The following GALNT10 variants were observed in gnomAD, a reference collection of about 807,000 sequenced individuals.
GALNT10 encodes polypeptide N-acetylgalactosaminyltransferase 10.
GALNT10 carries 41 observed loss-of-function variants against 75.0 expected under a neutral mutation model. The observed-to-expected ratio is 0.55, with a 90% CI of 0.43 to 0.71. The LOEUF (loss-of-function observed/expected upper bound fraction) is 0.71, where lower values mean the gene tolerates loss of function less well. Among genes scored for constraint, GALNT10 ranks in the 30% least tolerant of loss-of-function variants. The pLI is 0.00. For synonymous variants in GALNT10, 302 were observed against 313.0 expected, an observed-to-expected ratio of 0.96 and a Z score of 0.37; for missense variants, 727 against 818.5, an observed-to-expected ratio of 0.89 and a Z score of 1.36.
In GALNT10 at chr5:154,417,767, G is replaced by A. The variant is rs1172747317; in HGVS notation, c.*795G>A. On this transcript the variant is annotated 3_prime_UTR_variant, in exon 12 of 12. Coordinates refer to ENST00000297107, the MANE Select transcript of GALNT10 (RefSeq NM_198321.4). ...AGCTTTACAGGGCAGTGTTTCAGAT[G>A]GCCCTGAGCCCACGGAAAAGGCCAG... The A allele has an allele frequency of 1.3e-5, 2 of 152,266 alleles. No homozygotes were observed. The highest frequency in any genetic ancestry group is 4.8e-5 in the African/African-American group (2 of 41,462). 9.4% of individuals were successfully genotyped at this position (152,266 alleles called of 1,614,324 possible).
intron 1 of GALNT10, among the ~76,000 whole-genome samples, chr5:154,287,890 C>CTGTGTGTGTG (rs61253851): frequency 2.1e-5 from 3 of 145,230 alleles, no homozygotes; most frequent in South Asian, 2.2e-4. Flanking sequence ...AATTGCTTTG[C>CTGTGTGTGTG]TGTGTGTGTG....
chr5:154,269,974 C>A (rs1429511845), intron 1 of GALNT10, among the ~76,000 whole-genome samples: 1 of 151,240 alleles, frequency 6.6e-6, no homozygotes, highest in Non-Finnish European at 1.5e-5. Flanking sequence ...GGATACTGAG[C>A]CCCACAACCT....
At chr5:154,283,148 A>G (rs2113057342) in intron 1 of GALNT10, among the ~76,000 whole-genome samples, 1 of 152,246 alleles carries the variant, frequency 6.6e-6, no homozygotes, top group Admixed American at 6.5e-5. Flanking sequence ...AAATCGTTAT[A>G]TAAGAACAAG....
chr5:154,410,421 A>T (rs1756374674), intron 9 of GALNT10, among the ~76,000 whole-genome samples: 1 of 151,582 alleles, frequency 6.6e-6, no homozygotes, highest in South Asian at 2.1e-4. Context: ...GCGTAATGGT[A>T]TGTGCCTGTA....
chr5:154,313,296 C>A (rs1048381930), intron 3 of GALNT10, among the ~76,000 whole-genome samples: 1 of 146,616 alleles, frequency 6.8e-6, no homozygotes, highest in Non-Finnish European at 1.5e-5. Context: ...GGTGACAGAG[C>A]GAGACTCTTG....
intron 1 of GALNT10, among the ~76,000 whole-genome samples, chr5:154,253,360 G>A (rs1753557174): frequency 7.2e-6 from 1 of 139,822 alleles, no homozygotes; most frequent in African/African-American, 2.6e-5. Flanking sequence ...CTTGGACACA[G>A]GAAGGGGAAC....
At chr5:154,392,431 G>C (rs1455142189) in intron 7 of GALNT10, 1 of 152,180 alleles carries the variant, frequency 6.6e-6, no homozygotes, top group African/African-American at 2.4e-5. Flanking sequence ...GACTTAGGAG[G>C]CCATCTTTGG....
At chr5:154,250,988 G>A (rs534021648) in intron 1 of GALNT10, among the ~76,000 whole-genome samples, 3 of 152,238 alleles carry the variant, frequency 2.0e-5, no homozygotes, top group South Asian at 2.1e-4. Flanking sequence ...TCCAGGGACC[G>A]GGATAAAAGC....
Position 154,351,307 on chromosome 5 carries a change from ACCTGAGGG to A in GALNT10, c.568+21574_568+21581del, listed in dbSNP as rs530990364. Among the ~76,000 whole-genome samples, 83 of 152,328 alleles carry A rather than the reference ACCTGAGGG, an allele frequency of 5.4e-4. No individual in the cohort carries two copies. In the South Asian group the frequency reaches 0.01, roughly 19 times the overall value. On this transcript the variant is annotated intron_variant, in intron 4 of 11. Coordinates refer to ENST00000297107, the MANE Select transcript of GALNT10 (RefSeq NM_198321.4). ...AGACAGGATTTGAACTTGGCAGCTG[ACCTGAGGG>A]CCTGCCCTCAAACCACTCTAGTGTG...
intron 1 of GALNT10, among the ~76,000 whole-genome samples, chr5:154,222,882 A>G (rs13353941): frequency 0.015 from 2,263 of 152,248 alleles, 47 homozygotes; most frequent in African/African-American, 0.052. Flanking sequence ...TATTCTCCCA[A>G]TCTGTGGCTT....
chr5:154,253,984 C>T (rs1753569398), intron 1 of GALNT10, among the ~76,000 whole-genome samples: 1 of 152,114 alleles, frequency 6.6e-6, no homozygotes, highest in South Asian at 2.1e-4. Context: ...CTACACTCAC[C>T]CATTACTGCA....
In GALNT10 at chr5:154,214,444, G is replaced by A. The variant is rs111512874; in HGVS notation, c.159+23419G>A. Among the ~76,000 whole-genome samples the A allele has an allele frequency of 4.2e-3, 641 of 152,136 alleles. 11 individuals are homozygous for A. The highest frequency in any genetic ancestry group is 0.015 in the African/African-American group (614 of 41,484). On this transcript the variant is annotated intron_variant, in intron 1 of 11. Coordinates refer to ENST00000297107, the MANE Select transcript of GALNT10 (RefSeq NM_198321.4). ...AGCAGCGAGCACTCATCACCGGTGG[G>A]AATGATAGAGCCTAATTTGGAAAAA... is the stretch of plus-strand genomic sequence containing the variant.
chr5:154,348,394 G>T (rs909735521), intron 4 of GALNT10, among the ~76,000 whole-genome samples: 1 of 152,184 alleles, frequency 6.6e-6, no homozygotes, highest in Non-Finnish European at 1.5e-5. Context: ...ATACCATAAA[G>T]CTATAAATGC....
At chr5:154,403,905 G>C in intron 7 of GALNT10, 199 bp from the exon 8 acceptor site, 1 of 651,274 alleles carries the variant, frequency 1.5e-6, no homozygotes, top group African/African-American at 1.8e-5. Flanking sequence ...TGTGGCAATG[G>C]TAAGCACTCA....
At chr5:154,344,759 A>G (rs571316283) in intron 4 of GALNT10, among the ~76,000 whole-genome samples, 1 of 152,182 alleles carries the variant, frequency 6.6e-6, no homozygotes, top group African/African-American at 2.4e-5. Flanking sequence ...CCCAGGCAGC[A>G]TGACTTCAGA....
chr5:154,239,705 C>T (rs185131760), intron 1 of GALNT10, among the ~76,000 whole-genome samples: 3 of 152,286 alleles, frequency 2.0e-5, no homozygotes, highest in African/African-American at 7.2e-5. Context: ...CAGATGTGAA[C>T]CGCCCATTCC....
intron 3 of GALNT10, among the ~76,000 whole-genome samples, chr5:154,311,541 T>C (rs1754517475): frequency 6.6e-6 from 1 of 152,064 alleles, no homozygotes; most frequent in African/African-American, 2.4e-5. Context: ...CCTGTGTTTT[T>C]TCTATTGCAT....
At chr5:154,297,904 C>A in intron 2 of GALNT10, 37 bp from the exon 3 acceptor site, 1 of 1,595,292 alleles carries the variant, frequency 6.3e-7, no homozygotes, top group Non-Finnish European at 8.6e-7. Flanking sequence ...GTACCCCATA[C>A]ATCATTAGCA....
chr5:154,333,020 G>A (rs1388616241), intron 4 of GALNT10, among the ~76,000 whole-genome samples: 1 of 152,166 alleles, frequency 6.6e-6, no homozygotes, highest in Non-Finnish European at 1.5e-5. Flanking sequence ...CTTTGTGCCT[G>A]CTCCTCAGAG....
Sources: allele counts gnomAD v4.1 joint callset (sites outside exome capture counted in the v4.1 genomes callset), GRCh38; gene constraint gnomAD v4.1.1; transcripts MANE v1.5; gene names NCBI Gene and HGNC (gene_info 2026-07-23, HGNC 2026-07-21).